DENND2B: variants seen among roughly 807,000 people sequenced by gnomAD.
DENND2B encodes DENN domain containing 2B, also known as DENN domain-containing protein 2B.
In DENND2B, 32 loss-of-function variants were observed where a neutral mutation model predicts 116.0. The ratio of observed to expected loss-of-function variants is 0.28; its 90% CI spans 0.21 to 0.37. The LOEUF (loss-of-function observed/expected upper bound fraction) is 0.37, where lower values mean the gene tolerates loss of function less well. Among genes scored for constraint, DENND2B ranks in the 10% least tolerant of loss-of-function variants. DENND2B has a pLI of 1.00. For synonymous variants in DENND2B, 588 were observed against 583.9 expected, an observed-to-expected ratio of 1.01 and a Z score of -0.10; for missense variants, 1,276 against 1,477.7, an observed-to-expected ratio of 0.86 and a Z score of 2.24.
Position 8,699,093 on chromosome 11 carries a change from A to G in DENND2B, c.2899-119T>C, listed in dbSNP as rs550762820. Reference sequence around the variant, plus strand: ...CTAACAGGAAGTACTCCAGCCGGGGATAGACCTCCCAGGGAGAAAGGATAA... The same window carrying G: ...CTAACAGGAAGTACTCCAGCCGGGGGTAGACCTCCCAGGGAGAAAGGATAA... On this transcript the variant is annotated intron_variant, in intron 15 of 19. Transcript: ENST00000313726. 5.7e-5 allele frequency: 88 copies of G among 1,532,288 alleles called. No individual in the cohort carries two copies. In the South Asian group the frequency reaches 9.5e-4, roughly 17 times the overall value. 94.9% of individuals were successfully genotyped at this position (1,532,288 alleles called of 1,614,324 possible).
At chr11:8,734,263 G>C (rs529411122) in intron 2 of DENND2B, among the ~76,000 whole-genome samples, 1 of 152,028 alleles carries the variant, frequency 6.6e-6, no homozygotes, top group African/African-American at 2.4e-5. Context: ...TACATCGCAG[G>C]GTTGTCATAT....
chr11:8,867,092 C>T (rs531163290), intron 2 of DENND2B, among the ~76,000 whole-genome samples: 46 of 152,224 alleles, frequency 3.0e-4, no homozygotes, highest in African/African-American at 1.0e-3. Context: ...AGCCCTCCTG[C>T]TAGGGGATAT....
chr11:8,768,728 C>T (rs1282552016), intron 1 of DENND2B: 1 of 152,454 alleles, frequency 6.6e-6, no homozygotes, highest in East Asian at 1.9e-4. Context: ...GGGAATGTGC[C>T]TCCTGCCCTC....
Position 8,736,030 on chromosome 11 carries a change from G to A in DENND2B, c.81-4821C>T, listed in dbSNP as rs72858249. 8.3e-3 allele frequency among the ~76,000 whole-genome samples: 1,270 copies of A among 152,234 alleles called. 11 individuals are homozygous for A. Among genetic ancestry groups the A allele is most frequent in the Non-Finnish European group, 0.013 (908 of 68,010 alleles). ...CAAGAGAAGGGCAGGGCCTGCCTTC[G>A]GATGCCACCATGGGAGCAAAGCCAC... is the stretch of plus-strand genomic sequence containing the variant. On this transcript the variant is annotated intron_variant, in intron 2 of 19. Coordinates refer to ENST00000313726, the MANE Select transcript of DENND2B (RefSeq NM_213618.2).
chr11:8,892,034 A>G (rs931519178), intron 1 of DENND2B, among the ~76,000 whole-genome samples: 1 of 152,248 alleles, frequency 6.6e-6, no homozygotes, highest in East Asian at 1.9e-4. Flanking sequence ...AAATTGTAAC[A>G]AACTGTCTCT....
intron 1 of DENND2B, among the ~76,000 whole-genome samples, chr11:8,884,262 T>C (rs1265298542): frequency 6.7e-6 from 1 of 149,388 alleles, no homozygotes; most frequent in Non-Finnish European, 1.5e-5. Flanking sequence ...AAAAGGATAC[T>C]AATACTAGTC....
chr11:8,795,366 C>G (rs2059726639), intron 1 of DENND2B, among the ~76,000 whole-genome samples: 1 of 152,150 alleles, frequency 6.6e-6, no homozygotes, highest in Non-Finnish European at 1.5e-5. Context: ...AGCTGCCAAG[C>G]CTCTTAAGCA....
At chr11:8,731,345 T>C (rs1415941490) in intron 2 of DENND2B, 136 bp from the exon 3 acceptor site, 9 of 846,134 alleles carry the variant, frequency 1.1e-5, no homozygotes, top group African/African-American at 1.7e-5. Context: ...TCTATTCAAG[T>C]AATATACCTT....
At chr11:8,771,207 G>T (rs1778786306) in intron 1 of DENND2B, among the ~76,000 whole-genome samples, 1 of 152,314 alleles carries the variant, frequency 6.6e-6, no homozygotes. Context: ...TCAGCAGGCA[G>T]CACAAAAGAT....
intron 2 of DENND2B, among the ~76,000 whole-genome samples, chr11:8,867,610 ACT>A (rs550402586): frequency 1.6e-3 from 172 of 109,688 alleles, no homozygotes; most frequent in African/African-American, 5.8e-3. Context: ...ACAGGGTCTC[ACT>A]CTGTCACTCA....
At position 8,868,833 on chromosome 11, in the gene DENND2B, C is replaced by T. The variant is rs570612046; in HGVS notation, c.-250+2121G>A. 6.6e-5 allele frequency among the ~76,000 whole-genome samples: 10 copies of T among 152,326 alleles called. No individual in the cohort carries two copies. In the South Asian group the frequency reaches 1.9e-3, roughly 28 times the overall value. The stretch of plus-strand genomic sequence containing the variant: ...AAGGCTCTCCCCTCTTCTATGAAAC[C>T]GCCCTGCCTCAGAATCATTTTCTCC... On this transcript the variant is annotated intron_variant, in intron 2 of 6. Transcript: ENST00000524757.
At chr11:8,768,028 T>C (rs2056188446) in intron 1 of DENND2B, among the ~76,000 whole-genome samples, 2 of 151,608 alleles carry the variant, frequency 1.3e-5, no homozygotes, top group South Asian at 2.1e-4. Flanking sequence ...GAAAGAGATC[T>C]AGATCGAGCT....
intron 1 of DENND2B, among the ~76,000 whole-genome samples, chr11:8,897,556 T>C (rs1056802405): frequency 3.3e-5 from 5 of 152,062 alleles, no homozygotes; most frequent in Admixed American, 3.3e-4. Flanking sequence ...GAAACTGTAG[T>C]TTTGGTTGGG....
chr11:8,701,510 C>G (rs2041670860), intron 14 of DENND2B, among the ~76,000 whole-genome samples: 1 of 152,058 alleles, frequency 6.6e-6, no homozygotes, highest in Non-Finnish European at 1.5e-5. Context: ...CTCCCTCTGT[C>G]TCTGTACTTT....
chr11:8,830,429 T>A (rs2062159177), intron 4 of DENND2B, among the ~76,000 whole-genome samples: 1 of 152,250 alleles, frequency 6.6e-6, no homozygotes, highest in Non-Finnish European at 1.5e-5. Flanking sequence ...AGATCTTGGA[T>A]ATTCTCTACT....
At position 8,730,804 on chromosome 11, in the gene DENND2B, C is replaced by T. The variant is rs916918292; in HGVS notation, c.486G>A (p.Leu162=). ...LTRTGTRAHS[L]GIREKISAWE... is the part of the protein sequence containing the mutation. ...ATGCTGATATCTTCTCCCGGATGCCCAGGCTGTGGGCGCGGGTACCGGTAC... is the reference window on the plus strand; with the variant it reads ...ATGCTGATATCTTCTCCCGGATGCCTAGGCTGTGGGCGCGGGTACCGGTAC... The change falls in exon 3 of 20, where the codon CTG becomes CTA. Residue 162 remains leucine, a synonymous_variant. Transcript: ENST00000313726. This position sits in a 1 kb window ranked among gnomAD's most constrained non-coding sequence, Gnocchi z 4.1. 17 of 1,613,082 alleles carry T rather than the reference C, an allele frequency of 1.1e-5. No individual in the cohort carries two copies. In the African/African-American group the frequency reaches 2.3e-4, roughly 22 times the overall value.
intron 4 of DENND2B, among the ~76,000 whole-genome samples, chr11:8,831,390 G>A (rs528608283): frequency 6.6e-5 from 10 of 152,210 alleles, no homozygotes; most frequent in South Asian, 6.2e-4. Flanking sequence ...CTGGCCACTC[G>A]GGAGCAAATA....
chr11:8,714,752 G>T lies in DENND2B; in HGVS notation c.1846-46C>A, dbSNP rs560450701. ...GGGTGAGGTAACCTTAACACCAGCT[G>T]CCCTACTTCCAAGAAGGCTGAGTAG... On this transcript the variant is annotated intron_variant, in intron 6 of 19. Transcript: ENST00000313726. 170 of 1,532,612 alleles carry T rather than the reference G, an allele frequency of 1.1e-4. 3 individuals are homozygous for T. In the East Asian group the frequency reaches 3.8e-3, roughly 34 times the overall value. The allele number at this position is 1,532,612 out of a possible 1,614,324, so 94.9% of individuals were successfully genotyped here. A position where few individuals can be genotyped will look rare whatever the true frequency, so the allele number is the denominator to read the frequency against.
intron 1 of DENND2B, among the ~76,000 whole-genome samples, chr11:8,884,490 T>C (rs902529267): frequency 4.6e-5 from 7 of 152,170 alleles, no homozygotes; most frequent in Admixed American, 4.6e-4. Context: ...CCACATCTGA[T>C]TTAGATTTCC....
Sources: allele counts gnomAD v4.1 joint callset (sites outside exome capture counted in the v4.1 genomes callset), GRCh38; gene constraint gnomAD v4.1.1; non-coding constraint Gnocchi (gnomAD v3.1); transcripts MANE v1.5; gene names NCBI Gene and HGNC (gene_info 2026-07-23, HGNC 2026-07-21).